PSMD13: variants seen among roughly 807,000 people sequenced by gnomAD.
PSMD13 encodes the protein proteasome 26S subunit, non-ATPase 13, also known as 26S proteasome non-ATPase regulatory subunit 13.
Under a neutral mutation model 57.4 loss-of-function variants are expected in PSMD13, and 8 were observed. The observed-to-expected ratio is 0.14, with a 90% confidence interval of 0.08 to 0.25. The LOEUF is 0.25. Among genes scored for constraint, PSMD13 ranks in the 10% least tolerant of loss-of-function variants. The pLI, the probability that PSMD13 is intolerant of heterozygous loss-of-function variation, is 1.00. For synonymous variants in PSMD13, 193 were observed against 168.2 expected (o/e 1.15, Z -1.14); for missense variants, 400 against 461.5 (o/e 0.87, Z 1.22).
chr11:243,468 C>G (rs7119824), intron 2 of PSMD13: 9,228 of 305,474 alleles, frequency 0.03, 820 homozygotes, highest in African/African-American at 0.19. Flanking sequence ...ATGAGTAGGA[C>G]AGATACAAAT....
At chr11:238,903 C>T in intron 1 of PSMD13, 95 bp from the exon 2 acceptor site, 1 of 1,221,788 alleles carries the variant, frequency 8.2e-7, no homozygotes, top group South Asian at 1.2e-5. Context: ...TTAGAGATAC[C>T]CAACCTGTAT....
intron 2 of PSMD13, among the ~76,000 whole-genome samples, chr11:242,097 A>C (rs1440846625): frequency 6.6e-6 from 1 of 150,836 alleles, no homozygotes; most frequent in East Asian, 1.9e-4. Context: ...GTAACCTTTG[A>C]AGCCTCTCCC....
chr11:237,889 C>T (rs796155794), intron 1 of PSMD13, among the ~76,000 whole-genome samples: 12 of 152,206 alleles, frequency 7.9e-5, no homozygotes. Context: ...GAAAATACAT[C>T]TCCTGTAGTA....
chr11:251,302 TG>T lies in PSMD13; in HGVS notation c.838-243del, dbSNP rs1439812224. 1.9e-6 allele frequency: 1 copy of T among 518,872 alleles called. No individual in the cohort carries two copies. Among genetic ancestry groups the T allele is most frequent in the Non-Finnish European group, 3.4e-6 (1 of 293,166 alleles). The allele number at this position is 518,872 out of a possible 1,614,324, so 32.1% of individuals were successfully genotyped here. A position where few individuals can be genotyped will look rare whatever the true frequency, so the allele number is the denominator to read the frequency against. On this transcript the variant is annotated intron_variant, in intron 10 of 12. Transcript: ENST00000532097. This position sits in a 1 kb window ranked among gnomAD's most constrained non-coding sequence, Gnocchi z 4.6. Reference sequence around the variant, plus strand: ...CTGGCAAATTGTGGCCTCAAGTACTTGTTCGGGGATTGAACAATGGCTACTG... The same window carrying T: ...CTGGCAAATTGTGGCCTCAAGTACTTTTCGGGGATTGAACAATGGCTACTG...
Position 251,902 on chromosome 11 carries a change from C to T in PSMD13, c.1001C>T (p.Thr334Ile), listed in dbSNP as rs868001916. Reference protein sequence around the residue: ...IDEVDKRVHMTWVQPRVLDLQ... With the variant: ...IDEVDKRVHMIWVQPRVLDLQ... ...GAGGTGGACAAACGAGTCCACATGA[C>T]CTGGGTGCAGCCCCGAGTGTTGGAT... Residue 334 changes from threonine to isoleucine, a missense_variant, in exon 12 of 13, where the codon ACC (threonine) becomes ATC (isoleucine). By Grantham distance (89) the Thr-to-Ile change is moderately conservative. Transcript: ENST00000532097. The surrounding 1 kb of genome is among the most constrained non-coding windows in gnomAD (Gnocchi z 4.6). 6.2e-7 allele frequency: 1 copy of T among 1,614,086 alleles called. No individual in the cohort carries two copies. Among genetic ancestry groups the T allele is most frequent in the Non-Finnish European group, 8.5e-7 (1 of 1,179,958 alleles).
chr11:241,831 T>C (rs1258446850), intron 2 of PSMD13, among the ~76,000 whole-genome samples: 2 of 152,228 alleles, frequency 1.3e-5, no homozygotes, highest in South Asian at 2.1e-4. Context: ...GCCCCAGGCG[T>C]GTTTCTAAAA....
At chr11:244,852 AT>A in intron 6 of PSMD13, 91 bp downstream of exon 6, 1 of 1,017,380 alleles carries the variant, frequency 9.8e-7, no homozygotes, top group Non-Finnish European at 1.4e-6. Context: ...TTTACTGTTT[AT>A]TTTAAAACAT....
rs552913319 is a variant in PSMD13, at chr11:250,052, G to A, written c.775-751G>A. Among the ~76,000 whole-genome samples the A allele has an allele frequency of 7.2e-5, 11 of 152,080 alleles. No homozygotes were observed. The South Asian group carries it at 1.0e-3, about 14-fold the overall frequency. On this transcript the variant is annotated intron_variant, in intron 9 of 12. Transcript: ENST00000532097. ...GCAATTTAAAGAAAAAAAAAAAATC[G>A]TAGATGCATGTTGGCAGCATCTATT...
intron 2 of PSMD13, chr11:243,162 G>T: frequency 1.6e-6 from 1 of 619,166 alleles, no homozygotes; most frequent in South Asian, 1.4e-5. Flanking sequence ...ACCACCTCCT[G>T]TTTTTTTGTG....
At chr11:249,986 CA>C (rs767271280) in intron 9 of PSMD13, among the ~76,000 whole-genome samples, 8 of 149,574 alleles carry the variant, frequency 5.3e-5, no homozygotes, top group African/African-American at 2.0e-4. Flanking sequence ...ATTGATATCT[CA>C]AAAAAAGGTG....
At position 239,096 on chromosome 11, in the gene PSMD13, A is replaced by G; in HGVS notation, c.174+20A>G. On this transcript the variant is annotated intron_variant, in intron 2 of 12. Coordinates refer to ENST00000532097, the MANE Select transcript of PSMD13 (RefSeq NM_002817.4). ...ATTAAGGTAAATAATTTGCTATACC[A>G]GATTAGATTATATGAATGTGCTCAA... The G allele has an allele frequency of 6.3e-7, 1 of 1,590,528 alleles. No individual in the cohort carries two copies. Among genetic ancestry groups the G allele is most frequent in the East Asian group, 2.2e-5 (1 of 44,774 alleles).
intron 2 of PSMD13, among the ~76,000 whole-genome samples, chr11:241,122 A>G (rs886556830): frequency 6.8e-6 from 1 of 146,724 alleles, no homozygotes; most frequent in Non-Finnish European, 1.5e-5. Context: ...GTGAACCACC[A>G]CCTGGCCACC....
intron 2 of PSMD13, among the ~76,000 whole-genome samples, chr11:240,101 C>T (rs2948221): frequency 2.2e-3 from 112 of 51,380 alleles, no homozygotes; most frequent in South Asian, 6.3e-3. Flanking sequence ...ATGAGACCTG[C>T]TTTTTTTTTT....
chr11:237,074 C>G lies in PSMD13; in HGVS notation c.25C>G (p.Gln9Glu), dbSNP rs138214549. The G allele has an allele frequency of 1.2e-6, 2 of 1,614,008 alleles. No individual in the cohort carries two copies. The highest frequency in any genetic ancestry group is 1.1e-5 in the South Asian group (1 of 91,084). ...CATGAAGGACGTACCGGGCTTCCTA[C>G]AGCAGAGCCAGAACTCCGGGCCCGG... MKDVPGFL[Q>E]QSQNSGPGQP... The change falls in exon 1 of 13, where the codon CAG (glutamine) becomes GAG (glutamate). Residue 9 changes from glutamine to glutamate, a missense_variant. Physicochemically the swap from Gln to Glu is conservative, Grantham distance 29. Transcript: ENST00000532097.
intron 2 of PSMD13, among the ~76,000 whole-genome samples, chr11:241,404 G>A (rs1038201211): frequency 2.0e-5 from 3 of 152,184 alleles, no homozygotes. Flanking sequence ...CTCCCAAAGT[G>A]CTACATAACA....
intron 2 of PSMD13, among the ~76,000 whole-genome samples, chr11:240,100 G>GTTTT (rs1564820130): frequency 9.0e-5 from 4 of 44,486 alleles, no homozygotes; most frequent in African/African-American, 1.2e-4. Flanking sequence ...AATGAGACCT[G>GTTTT]CTTTTTTTTT....
intron 6 of PSMD13, 109 bp downstream of exon 6, chr11:244,870 A>G: frequency 1.1e-6 from 1 of 927,894 alleles, no homozygotes; most frequent in East Asian, 2.9e-5. Context: ...ACATTTTTAC[A>G]TTACAGAAAA....
intron 5 of PSMD13, 21 bp downstream of exon 5, chr11:244,490 ATACCTTTTAG>A (rs3830667): frequency 0.76 from 1,201,564 of 1,577,794 alleles, 459,545 homozygotes; most frequent in African/African-American, 0.88. Context: ...CATGTGGGCA[ATACCTTTTAG>A]TACCTTTTAG....
chr11:249,336 A>C (rs944661227), intron 9 of PSMD13, among the ~76,000 whole-genome samples: 4 of 152,082 alleles, frequency 2.6e-5, no homozygotes, highest in African/African-American at 9.7e-5. Flanking sequence ...CAGAAGATGT[A>C]GAAGTCATAG....
Sources: allele counts gnomAD v4.1 joint callset (sites outside exome capture counted in the v4.1 genomes callset), GRCh38; gene constraint gnomAD v4.1.1; non-coding constraint Gnocchi (gnomAD v3.1); transcripts MANE v1.5; gene names NCBI Gene and HGNC (gene_info 2026-07-23, HGNC 2026-07-21).